KPNA1: variants seen among roughly 807,000 people sequenced by gnomAD.
KPNA1 encodes the protein importin subunit alpha-5.
In KPNA1, 10 loss-of-function variants were observed where a neutral mutation model predicts 70.5. The observed-to-expected ratio is 0.14, with a 90% CI of 0.09 to 0.24. KPNA1 has a LOEUF of 0.24. Among genes scored for constraint, KPNA1 ranks in the 10% least tolerant of loss-of-function variants. The probability of loss-of-function intolerance (pLI) is 1.00; values close to 1 mark genes in which losing one functional copy is unlikely to be tolerated. For missense variants in KPNA1, 397 were observed against 637.9 expected (o/e 0.62, Z 4.07); for synonymous variants, 192 against 221.9 (o/e 0.87, Z 1.20).
Position 122,496,440 on chromosome 3 carries a change from C to A in KPNA1, c.126G>T (p.Glu42Asp). Reference sequence around the variant, plus strand: ...TGAATAAAGGTAAAGGATTTACCTGCTCTTCTCTTTTCTGCTTTCGTAACT... The same window carrying A: ...TGAATAAAGGTAAAGGATTTACCTGATCTTCTCTTTTCTGCTTTCGTAACT... Reference protein sequence around the residue: ...GLQLRKQKREEQLFKRRNVAT... With the variant: ...GLQLRKQKREDQLFKRRNVAT... The change falls in exon 2 of 14, where the codon GAG (glutamate) becomes GAT (aspartate). Residue 42 changes from glutamate (E) to aspartate (D), a missense_variant. Transcript: ENST00000344337. The A allele has an allele frequency of 6.2e-7, 1 of 1,612,764 alleles. No individual in the cohort carries two copies. Among genetic ancestry groups the A allele is most frequent in the Non-Finnish European group, 8.5e-7 (1 of 1,179,048 alleles).
At chr3:122,500,279 G>A (rs2076812517) in intron 1 of KPNA1, among the ~76,000 whole-genome samples, 5 of 151,690 alleles carry the variant, frequency 3.3e-5, no homozygotes, top group South Asian at 4.2e-4. Context: ...GCACCACCAC[G>A]CCTGGCTACT....
chr3:122,491,850 A>ATTTTTTTTT (rs67916227), intron 2 of KPNA1, among the ~76,000 whole-genome samples: 1 of 64,828 alleles, frequency 1.5e-5, no homozygotes, highest in African/African-American at 5.7e-5. Flanking sequence ...TGACCATCAC[A>ATTTTTTTTT]TTTTTTTTTT....
chr3:122,460,646 A>T (rs1313959213), intron 5 of KPNA1: 3 of 707,714 alleles, frequency 4.2e-6, no homozygotes, highest in Non-Finnish European at 5.2e-6. Context: ...CAAGAAAAAG[A>T]AGAAAAAAAA....
At chr3:122,505,227 C>T (rs1459695650) in intron 1 of KPNA1, among the ~76,000 whole-genome samples, 3 of 138,380 alleles carry the variant, frequency 2.2e-5, no homozygotes, top group South Asian at 2.2e-4. Flanking sequence ...GGCTTGAACC[C>T]GGGAGGCAGA....
At chr3:122,477,992 T>C (rs1283226099) in intron 2 of KPNA1, among the ~76,000 whole-genome samples, 1 of 150,178 alleles carries the variant, frequency 6.7e-6, no homozygotes, top group Non-Finnish European at 1.5e-5. Context: ...TGAAACCCCG[T>C]CTCTAATAAA....
chr3:122,503,100 AAGTTTC>A (rs1269118235), intron 1 of KPNA1, among the ~76,000 whole-genome samples: 1 of 152,124 alleles, frequency 6.6e-6, no homozygotes, highest in Non-Finnish European at 1.5e-5. Context: ...AAGATTCGTT[AAGTTTC>A]AGTTTCAGGT....
chr3:122,468,084 G>A (rs770340059), intron 2 of KPNA1, among the ~76,000 whole-genome samples: 3 of 152,078 alleles, frequency 2.0e-5, no homozygotes, highest in African/African-American at 7.2e-5. Flanking sequence ...CCTCTCTCAC[G>A]CTGAACAACT....
chr3:122,475,336 A>G (rs1186208265), intron 2 of KPNA1, among the ~76,000 whole-genome samples: 7 of 152,204 alleles, frequency 4.6e-5, no homozygotes, highest in Admixed American at 4.6e-4. Context: ...AAACTACATA[A>G]AACACAGATG....
chr3:122,496,349 C>CACACA, intron 2 of KPNA1, 88 bp downstream of exon 2: 344 of 1,212,908 alleles, frequency 2.8e-4, no homozygotes, highest in Middle Eastern at 4.2e-4. Flanking sequence ...CACACACACA[C>CACACA]CCCAACTTTG....
chr3:122,481,308 G>A (rs1411637721), intron 2 of KPNA1, among the ~76,000 whole-genome samples: 1 of 152,118 alleles, frequency 6.6e-6, no homozygotes, highest in Non-Finnish European at 1.5e-5. Flanking sequence ...AACAAAAAGT[G>A]GTATATCTGC....
chr3:122,425,052 G>A lies in KPNA1; in HGVS notation c.*1933C>T, dbSNP rs886069348. ...TAGAAAAAGTAACAGTTATAGATGG[G>A]AGTTGACTAGTTTTGCAGTGGCTGC... is the stretch of plus-strand genomic sequence containing the variant. On this transcript the variant is annotated 3_prime_UTR_variant, in exon 14 of 14. Coordinates refer to ENST00000344337, the MANE Select transcript of KPNA1 (RefSeq NM_002264.4). The A allele has an allele frequency of 6.6e-6, 1 of 152,536 alleles. No individual in the cohort carries two copies. Among genetic ancestry groups the A allele is most frequent in the African/African-American group, 2.4e-5 (1 of 41,454 alleles). 9.4% of individuals were successfully genotyped at this position (152,536 alleles called of 1,614,324 possible).
intron 9 of KPNA1, among the ~76,000 whole-genome samples, chr3:122,446,355 A>G (rs1173637836): frequency 4.6e-5 from 7 of 152,260 alleles, no homozygotes; most frequent in Middle Eastern, 3.2e-3. Flanking sequence ...ATTAGAACTC[A>G]GGATTAAGAA....
chr3:122,464,071 T>G, intron 3 of KPNA1, 30 bp from the exon 4 acceptor site: 1 of 1,215,706 alleles, frequency 8.2e-7, no homozygotes, highest in Non-Finnish European at 1.2e-6. Context: ...GAACATATAA[T>G]AAATTATCAC....
intron 5 of KPNA1, among the ~76,000 whole-genome samples, chr3:122,455,845 C>T (rs962536408): frequency 2.6e-5 from 4 of 152,088 alleles, no homozygotes; most frequent in African/African-American, 9.7e-5. Context: ...CATGAGCCAC[C>T]GCACCCGGCC....
intron 1 of KPNA1, among the ~76,000 whole-genome samples, chr3:122,501,005 G>A (rs1218848546): frequency 1.4e-5 from 2 of 146,998 alleles, no homozygotes; most frequent in South Asian, 4.3e-4. Flanking sequence ...ACTGATTTGA[G>A]ATCTTTCTTC....
intron 2 of KPNA1, among the ~76,000 whole-genome samples, chr3:122,495,810 A>G (rs2076753761): frequency 1.3e-5 from 2 of 151,638 alleles, no homozygotes; most frequent in Admixed American, 1.3e-4. Context: ...TGTCAACAGC[A>G]TTTTCAAAGG....
intron 12 of KPNA1, among the ~76,000 whole-genome samples, chr3:122,428,875 G>A (rs1216002752): frequency 2.0e-5 from 3 of 152,094 alleles, no homozygotes; most frequent in African/African-American, 7.2e-5. Context: ...CTCAATCTTT[G>A]AGGCCAGCAC....
At chr3:122,452,483 T>C (rs959253635) in intron 6 of KPNA1, among the ~76,000 whole-genome samples, 11 of 134,576 alleles carry the variant, frequency 8.2e-5, no homozygotes, top group Non-Finnish European at 1.5e-5. Flanking sequence ...CACTCCAGCC[T>C]GGGTGACAGG....
chr3:122,463,382 G>A (rs2076346843), intron 4 of KPNA1, among the ~76,000 whole-genome samples: 2 of 151,476 alleles, frequency 1.3e-5, no homozygotes, highest in Non-Finnish European at 2.9e-5. Context: ...TTAGCTGGGG[G>A]TGGTGGCGTG....
Sources: gnomAD v4.1 joint callset for allele counts (sites outside exome capture counted in the v4.1 genomes callset) on GRCh38, gnomAD v4.1.1 for gene constraint, MANE v1.5 for transcripts, NCBI Gene and HGNC (gene_info 2026-07-23, HGNC 2026-07-21) for gene names.